The following TLN2 variants were observed in gnomAD, a reference collection of about 807,000 sequenced individuals.
TLN2 encodes talin-2.
TLN2 carries 118 observed loss-of-function variants against 294.7 expected under a neutral mutation model. That is an observed-to-expected ratio of 0.40 (90% CI 0.34 to 0.47). The LOEUF is 0.47. TLN2 is among the 20% of genes least tolerant of loss of function. The pLI, the probability that TLN2 is intolerant of heterozygous loss-of-function variation, is 0.84. For synonymous variants in TLN2, 1,431 were observed against 1,304.5 expected (o/e 1.10, Z -2.09); for missense variants, 3,083 against 3,282.2 (o/e 0.94, Z 1.48).
intron 3 of TLN2, among the ~76,000 whole-genome samples, chr15:62,639,993 C>T (rs1384121931): frequency 6.6e-6 from 1 of 152,188 alleles, no homozygotes; most frequent in Non-Finnish European, 1.5e-5. Context: ...CAGATAGGCA[C>T]CTGTCTATGC....
intron 1 of TLN2, among the ~76,000 whole-genome samples, chr15:62,490,059 C>T (rs978886107): frequency 6.6e-6 from 1 of 152,184 alleles, no homozygotes; most frequent in Non-Finnish European, 1.5e-5. Context: ...TGTTATGCAG[C>T]ACCTACAATA....
intron 22 of TLN2, among the ~76,000 whole-genome samples, chr15:62,713,252 CAA>C (rs976273821): frequency 1.9e-5 from 2 of 105,300 alleles, no homozygotes; most frequent in African/African-American, 7.1e-5. Flanking sequence ...TCCTGGGTGA[CAA>C]GAGCAAACCT....
intron 45 of TLN2, among the ~76,000 whole-genome samples, chr15:62,786,815 T>G (rs2064701279): frequency 6.6e-6 from 1 of 152,220 alleles, no homozygotes; most frequent in South Asian, 2.1e-4. Context: ...TTTATTAGGT[T>G]GGTGCAAAAG....
chr15:62,496,013 A>G (rs1044771902), intron 1 of TLN2, among the ~76,000 whole-genome samples: 9 of 152,128 alleles, frequency 5.9e-5, no homozygotes, highest in African/African-American at 2.2e-4. Flanking sequence ...GCTTTTTATG[A>G]AGCTAAACAG....
intron 14 of TLN2, among the ~76,000 whole-genome samples, chr15:62,695,255 C>A (rs892473911): frequency 2.0e-5 from 3 of 152,164 alleles, no homozygotes; most frequent in African/African-American, 7.2e-5. Context: ...CATTTTGTCT[C>A]ATCTGGAATT....
At chr15:62,691,973 C>G (rs1225925996) in intron 12 of TLN2, among the ~76,000 whole-genome samples, 1 of 152,200 alleles carries the variant, frequency 6.6e-6, no homozygotes, top group African/African-American at 2.4e-5. Context: ...GTGCCCAGCC[C>G]ATTGGGAGAC....
intron 50 of TLN2, among the ~76,000 whole-genome samples, chr15:62,801,081 G>A (rs181192106): frequency 2.6e-4 from 39 of 152,340 alleles, no homozygotes; most frequent in African/African-American, 9.4e-4. Context: ...GGGAAAGTCA[G>A]TATGACTGTG....
chr15:62,503,115 C>T (rs1037132930), intron 1 of TLN2, among the ~76,000 whole-genome samples: 3 of 152,168 alleles, frequency 2.0e-5, no homozygotes, highest in African/African-American at 7.2e-5. Context: ...GCTACAACAG[C>T]GTCAACAAGT....
chr15:62,571,219 C>T (rs1163981318), intron 1 of TLN2, among the ~76,000 whole-genome samples: 2 of 152,174 alleles, frequency 1.3e-5, no homozygotes, highest in Non-Finnish European at 2.9e-5. Flanking sequence ...CTTTTGCTTG[C>T]GTTATTCCTC....
chr15:62,718,880 G>A (rs1312423905), intron 24 of TLN2, among the ~76,000 whole-genome samples: 2 of 152,198 alleles, frequency 1.3e-5, no homozygotes, highest in African/African-American at 2.4e-5. Flanking sequence ...GGAAATGAAA[G>A]GATTGAGATG....
At position 62,631,630 on chromosome 15, in the gene TLN2, CCTTT is replaced by C. The variant is rs1425166894; in HGVS notation, c.-37+13162_-37+13165del. On this transcript the variant is annotated intron_variant, in intron 3 of 58. Coordinates refer to ENST00000636159, the MANE Select transcript of TLN2 (RefSeq NM_015059.3). ...CTCCCTCTCCCTTCCCTCCTCCCTC[CCTTT>C]CTTTCTCTTTCTTTCCTTCTTTTTC... 5.3e-5 allele frequency among the ~76,000 whole-genome samples: 7 copies of C among 131,838 alleles called. No individual in the cohort carries two copies. The East Asian group carries it at 6.2e-4, about 12-fold the overall frequency. 86.5% of individuals were successfully genotyped at this position (131,838 alleles called of 152,430 possible).
chr15:62,555,518 A>G (rs555293418), intron 1 of TLN2, among the ~76,000 whole-genome samples: 16 of 152,220 alleles, frequency 1.1e-4, no homozygotes, highest in Non-Finnish European at 2.2e-4. Flanking sequence ...TTTATGAAAT[A>G]TAGGTTTTAA....
At chr15:62,474,534 C>T (rs984479337) in intron 1 of TLN2, among the ~76,000 whole-genome samples, 2 of 151,762 alleles carry the variant, frequency 1.3e-5, no homozygotes, top group South Asian at 4.2e-4. Flanking sequence ...CCTAGCTACT[C>T]GGGAGGCTGA....
chr15:62,602,581 G>T (rs757861484), intron 2 of TLN2, among the ~76,000 whole-genome samples: 1 of 152,142 alleles, frequency 6.6e-6, no homozygotes, highest in South Asian at 2.1e-4. Flanking sequence ...ATTTCTCATA[G>T]CTCTGGAGGC....
rs386383227 is a variant in TLN2, at chr15:62,422,219, CAA to C, written c.-238+31558_-238+31559del. Among the ~76,000 whole-genome samples the C allele has an allele frequency of 3.8e-4, 21 of 55,356 alleles. 1 individual carries two copies. The South Asian group carries it at 8.3e-3, about 22-fold the overall frequency. 36.3% of individuals were successfully genotyped at this position (55,356 alleles called of 152,430 possible). On this transcript the variant is annotated intron_variant, in intron 1 of 58. Coordinates refer to ENST00000636159, the MANE Select transcript of TLN2 (RefSeq NM_015059.3). ...GGGCAACAAGAGCAAAACTCTGTCT[CAA>C]AAAAAAAAAAAAAAAAAAAAAAAGA...
Position 62,673,574 on chromosome 15 carries a change from T to G in TLN2, c.789-253T>G, listed in dbSNP as rs1432359945. ...TATATACTCTTGTGCTCTTTTTTTT[T>G]TTTTTCACTTTACAATAGATCCTGG... On this transcript the variant is annotated intron_variant, in intron 9 of 58. Coordinates refer to ENST00000636159, the MANE Select transcript of TLN2 (RefSeq NM_015059.3). 4.6e-5 allele frequency among the ~76,000 whole-genome samples: 7 copies of G among 151,770 alleles called. No homozygotes were observed. In the East Asian group the frequency reaches 1.4e-3, roughly 29 times the overall value.
chr15:62,401,448 G>T (rs1404164170), intron 1 of TLN2, among the ~76,000 whole-genome samples: 1 of 152,166 alleles, frequency 6.6e-6, no homozygotes, highest in Non-Finnish European at 1.5e-5. Context: ...GAAACAAAGA[G>T]ACCTGGAAGG....
chr15:62,598,980 A>G (rs2046776683), intron 2 of TLN2, among the ~76,000 whole-genome samples: 1 of 152,128 alleles, frequency 6.6e-6, no homozygotes. Context: ...CAGACCTGTT[A>G]CCAAAGAATT....
chr15:62,669,804 G>T (rs989601330), intron 9 of TLN2, among the ~76,000 whole-genome samples: 1 of 152,164 alleles, frequency 6.6e-6, no homozygotes, highest in African/African-American at 2.4e-5. Context: ...TGCCTGCTCC[G>T]TGCTGACATG....
Sources: gnomAD v4.1 joint callset for allele counts (sites outside exome capture counted in the v4.1 genomes callset) on GRCh38, gnomAD v4.1.1 for gene constraint, MANE v1.5 for transcripts, NCBI Gene and HGNC (gene_info 2026-07-23, HGNC 2026-07-21) for gene names.